The following DLG2 variants were observed in gnomAD, a reference collection of about 807,000 sequenced individuals.
The protein encoded by DLG2 is discs large MAGUK scaffold protein 2.
Under a neutral mutation model 132.5 loss-of-function variants are expected in DLG2, and 45 were observed. That is an observed-to-expected ratio of 0.34 (90% CI 0.27 to 0.44). DLG2 has a LOEUF of 0.44. Ranked by LOEUF, DLG2 falls within the 20% of genes least tolerant of loss-of-function variation. The probability of loss-of-function intolerance (pLI) is 1.00; values close to 1 mark genes in which losing one functional copy is unlikely to be tolerated. For synonymous variants in DLG2, 424 were observed against 419.6 expected (o/e 1.01, Z -0.13); for missense variants, 1,045 against 1,196.9 (o/e 0.87, Z 1.87).
chr11:85,453,434 T>A (rs937458160), intron 3 of DLG2: 10 of 160,824 alleles, frequency 6.2e-5, no homozygotes, highest in African/African-American at 2.4e-4. Flanking sequence ...AAGGGACACA[T>A]AATCAGAAAA....
At chr11:83,874,761 A>C (rs2064336304) in intron 15 of DLG2, among the ~76,000 whole-genome samples, 1 of 152,150 alleles carries the variant, frequency 6.6e-6, no homozygotes, top group African/African-American at 2.4e-5. Flanking sequence ...TCTTGAAAGA[A>C]ATACAGTAGA....
At chr11:83,742,685 AGT>A (rs2092619048) in intron 18 of DLG2, among the ~76,000 whole-genome samples, 1 of 152,226 alleles carries the variant, frequency 6.6e-6, no homozygotes, top group Admixed American at 6.5e-5. Context: ...TTAATGAAGC[AGT>A]AGTATTTACT....
At chr11:84,321,389 T>A (rs1180949481) in intron 7 of DLG2, among the ~76,000 whole-genome samples, 3 of 152,180 alleles carry the variant, frequency 2.0e-5, no homozygotes, top group African/African-American at 7.2e-5. Context: ...GCTTGATACC[T>A]GTCAGTTAAA....
At chr11:84,437,181 A>G (rs1235002501) in intron 7 of DLG2, among the ~76,000 whole-genome samples, 2 of 152,156 alleles carry the variant, frequency 1.3e-5, no homozygotes, top group Non-Finnish European at 2.9e-5. Context: ...TGAATAGCCA[A>G]TGATCTTGCT....
intron 4 of DLG2, among the ~76,000 whole-genome samples, chr11:85,236,410 G>A (rs2075589196): frequency 6.6e-6 from 1 of 151,958 alleles, no homozygotes. Flanking sequence ...TTGTCTTGCA[G>A]ATGGCTGTCC....
intron 10 of DLG2, among the ~76,000 whole-genome samples, chr11:84,085,719 T>C (rs1161540867): frequency 6.6e-6 from 1 of 152,200 alleles, no homozygotes; most frequent in African/African-American, 2.4e-5. Flanking sequence ...TTCCAGAAAT[T>C]GCACCCTATA....
At chr11:84,465,579 T>C (rs541781567) in intron 7 of DLG2, among the ~76,000 whole-genome samples, 11 of 151,312 alleles carry the variant, frequency 7.3e-5, no homozygotes, top group Non-Finnish European at 1.5e-4. Flanking sequence ...TTTATGCATG[T>C]GAAATCTCGC....
chr11:84,658,941 T>C (rs2099691426), intron 6 of DLG2, among the ~76,000 whole-genome samples: 1 of 152,170 alleles, frequency 6.6e-6, no homozygotes, highest in African/African-American at 2.4e-5. Flanking sequence ...ATCAAGAAGA[T>C]GGCCATCTAT....
At chr11:83,660,921 A>C (rs371633625) in intron 18 of DLG2, among the ~76,000 whole-genome samples, 10 of 152,118 alleles carry the variant, frequency 6.6e-5, no homozygotes, top group East Asian at 5.8e-4. Context: ...TAATATCCAC[A>C]ACCCTATATC....
intron 3 of DLG2, among the ~76,000 whole-genome samples, chr11:85,446,792 T>C (rs1250917150): frequency 1.4e-5 from 2 of 145,830 alleles, no homozygotes; most frequent in East Asian, 1.9e-4. Context: ...GGATATAGTA[T>C]ATGTGTGTGT....
At chr11:84,632,076 A>G (rs1466656044) in intron 6 of DLG2, among the ~76,000 whole-genome samples, 3 of 152,186 alleles carry the variant, frequency 2.0e-5, no homozygotes, top group African/African-American at 4.8e-5. Flanking sequence ...TGTTATTTAT[A>G]CTAAACAGTT....
intron 21 of DLG2, chr11:83,486,259 TA>T (rs1565427812): frequency 1.5e-6 from 1 of 668,942 alleles, no homozygotes; most frequent in African/African-American, 1.8e-5. Context: ...TAACTGAAAA[TA>T]AAAGAAAAAA....
At chr11:84,870,455 T>G (rs1483597876) in intron 6 of DLG2, among the ~76,000 whole-genome samples, 1 of 152,220 alleles carries the variant, frequency 6.6e-6, no homozygotes, top group Admixed American at 6.5e-5. Flanking sequence ...AGGCCTGTTA[T>G]GGTTCCTTTC....
intron 18 of DLG2, among the ~76,000 whole-genome samples, chr11:83,777,355 A>G (rs1387151815): frequency 1.3e-5 from 2 of 152,232 alleles, no homozygotes; most frequent in Non-Finnish European, 2.9e-5. Context: ...GAATCTAAAA[A>G]GCACATTAAA....
chr11:84,401,560 T>C (rs1027882661), intron 7 of DLG2, among the ~76,000 whole-genome samples: 1 of 152,172 alleles, frequency 6.6e-6, no homozygotes, highest in African/African-American at 2.4e-5. Context: ...AGGATTTCTT[T>C]AGTACATTTA....
intron 6 of DLG2, among the ~76,000 whole-genome samples, chr11:85,042,195 A>T (rs1180126858): frequency 1.3e-5 from 2 of 152,004 alleles, no homozygotes; most frequent in Non-Finnish European, 2.9e-5. Context: ...TTGAAGCGCA[A>T]AAGAGATCTA....
intron 6 of DLG2, among the ~76,000 whole-genome samples, chr11:84,916,062 C>T (rs1029287426): frequency 2.6e-5 from 4 of 151,914 alleles, no homozygotes; most frequent in African/African-American, 4.8e-5. Flanking sequence ...GATTAAGAAG[C>T]AGGCCGGGCG....
At chr11:84,065,918 A>C (rs2154138215) in intron 10 of DLG2, among the ~76,000 whole-genome samples, 1 of 152,334 alleles carries the variant, frequency 6.6e-6, no homozygotes, top group Admixed American at 6.5e-5. Flanking sequence ...CTTTACAGCA[A>C]CACAGATGGA....
chr11:84,689,829 G>A (rs2057812020), intron 6 of DLG2, among the ~76,000 whole-genome samples: 1 of 151,536 alleles, frequency 6.6e-6, no homozygotes, highest in South Asian at 2.1e-4. Flanking sequence ...ACACAAACAT[G>A]CATGCAGACC....
Sources: gnomAD v4.1 joint callset for allele counts (sites outside exome capture counted in the v4.1 genomes callset) on GRCh38, gnomAD v4.1.1 for gene constraint, MANE v1.5 for transcripts, NCBI Gene and HGNC (gene_info 2026-07-23, HGNC 2026-07-21) for gene names.